The following RBFOX1 variants were observed in gnomAD, a reference collection of about 807,000 sequenced individuals.
RBFOX1 encodes RNA binding protein fox-1 homolog 1.
A neutral mutation model predicts 57.7 loss-of-function variants in RBFOX1; 8 were observed. That is an observed-to-expected ratio of 0.14 (90% CI 0.08 to 0.25). The LOEUF (loss-of-function observed/expected upper bound fraction) is 0.25, where lower values mean the gene tolerates loss of function less well. RBFOX1 is among the 10% of genes least tolerant of loss of function. RBFOX1 has a pLI of 1.00. For missense variants in RBFOX1, 611 were observed against 548.5 expected, an observed-to-expected ratio of 1.11 and a Z score of -1.14; for synonymous variants, 326 against 222.4, an observed-to-expected ratio of 1.47 and a Z score of -4.15.
intron 1 of RBFOX1, among the ~76,000 whole-genome samples, chr16:5,423,488 T>A (rs945552384): frequency 6.6e-6 from 1 of 152,160 alleles, no homozygotes; most frequent in Non-Finnish European, 1.5e-5. Flanking sequence ...CAGGGAGCAT[T>A]TTGAGCTTCC....
At position 7,125,298 on chromosome 16, in the gene RBFOX1, G is replaced by T. The variant is rs77247505; in HGVS notation, c.27+73200G>T. On this transcript the variant is annotated intron_variant, in intron 4 of 15. Coordinates refer to ENST00000550418, the MANE Select transcript of RBFOX1 (RefSeq NM_018723.4). Reference sequence around the variant, plus strand: ...CTGCAGCATCCTCATTTGTGCAGTGGGCATAGAAATCCACATAGTGGCAAG... The same window carrying T: ...CTGCAGCATCCTCATTTGTGCAGTGTGCATAGAAATCCACATAGTGGCAAG... Among the ~76,000 whole-genome samples the T allele has an allele frequency of 2.0e-5, 3 of 152,110 alleles. No individual in the cohort carries two copies. The East Asian group carries it at 5.8e-4, about 29-fold the overall frequency.
At chr16:7,055,994 A>G (rs981500136) in intron 4 of RBFOX1, among the ~76,000 whole-genome samples, 8 of 152,118 alleles carry the variant, frequency 5.3e-5, no homozygotes, top group East Asian at 3.9e-4. Flanking sequence ...ATCCTAACCT[A>G]TATCCTAACT....
chr16:6,252,742 G>C (rs1432680355), intron 1 of RBFOX1, among the ~76,000 whole-genome samples: 1 of 152,208 alleles, frequency 6.6e-6, no homozygotes, highest in Non-Finnish European at 1.5e-5. Context: ...TACATAATTA[G>C]CATGGAGCAG....
intron 4 of RBFOX1, among the ~76,000 whole-genome samples, chr16:7,204,757 C>G (rs556483620): frequency 1.1e-3 from 172 of 152,274 alleles, no homozygotes; most frequent in African/African-American, 3.9e-3. Context: ...TTTTCTCCCC[C>G]TCTCCCCAAT....
In RBFOX1 at chr16:6,111,759, T is replaced by C. The variant is rs76174682; in HGVS notation, c.-127+91767T>C. Among the ~76,000 whole-genome samples, 916 of 152,262 alleles carry C rather than the reference T, an allele frequency of 6.0e-3. 2 individuals carry two copies. The highest frequency in any genetic ancestry group is 0.02 in the Middle Eastern group (6 of 294). The stretch of plus-strand genomic sequence containing the variant: ...ACCAAGGAAGACTTTTGAAAATTGT[T>C]TGGGTATAGGTAGTGGGGTCAGAAA... On this transcript the variant is annotated intron_variant, in intron 1 of 15. Coordinates refer to ENST00000550418, the MANE Select transcript of RBFOX1 (RefSeq NM_018723.4).
In RBFOX1 at chr16:5,434,317, CT is replaced by C. The variant is rs5815245; in HGVS notation, c.220-32877del. On this transcript the variant is annotated intron_variant, in intron 1 of 2. Coordinates refer to the RBFOX1 transcript ENST00000585867. Reference sequence around the variant, plus strand: ...AGAGGGAGCCATCTCTGCTGAAGTCCTTTTTTTTTTTTTTTTTTTTTTGAGG... The same window carrying C: ...AGAGGGAGCCATCTCTGCTGAAGTCCTTTTTTTTTTTTTTTTTTTTTGAGG... Among the ~76,000 whole-genome samples, 641 of 79,712 alleles carry C rather than the reference CT, an allele frequency of 8.0e-3. 4 individuals carry two copies. Among genetic ancestry groups the C allele is most frequent in the East Asian group, 0.018 (38 of 2,130 alleles). 52.3% of individuals were successfully genotyped at this position (79,712 alleles called of 152,430 possible). A position where few individuals can be genotyped will look rare whatever the true frequency, so the allele number is the denominator to read the frequency against.
intron 5 of RBFOX1, among the ~76,000 whole-genome samples, chr16:7,532,733 C>T (rs2080431583): frequency 1.3e-5 from 2 of 152,232 alleles, no homozygotes; most frequent in African/African-American, 4.8e-5. Flanking sequence ...TTTATTGGAA[C>T]ACAGTCACAC....
At chr16:7,020,680 C>T (rs73536847) in intron 3 of RBFOX1, among the ~76,000 whole-genome samples, 6,319 of 152,232 alleles carry the variant, frequency 0.042, 468 homozygotes, top group African/African-American at 0.14. Flanking sequence ...TGGACACTGT[C>T]TGTGTCATCA....
chr16:7,159,681 G>A (rs2077879881), intron 4 of RBFOX1, among the ~76,000 whole-genome samples: 1 of 152,168 alleles, frequency 6.6e-6, no homozygotes, highest in Admixed American at 6.5e-5. Flanking sequence ...AGGCAGTTTT[G>A]TTTGGATCTG....
intron 4 of RBFOX1, among the ~76,000 whole-genome samples, chr16:7,434,483 T>A (rs1006137457): frequency 1.3e-5 from 2 of 150,824 alleles, no homozygotes; most frequent in Middle Eastern, 3.2e-3. Flanking sequence ...TTAAAATAAA[T>A]AAATAAATAA....
chr16:5,487,824 T>A (rs996749253), intron 2 of RBFOX1, among the ~76,000 whole-genome samples: 48 of 152,096 alleles, frequency 3.2e-4, no homozygotes, highest in African/African-American at 1.1e-3. Context: ...GTGGGAGTGA[T>A]GATGATGAAG....
chr16:5,351,073 A>G (rs1364464312), intron 1 of RBFOX1, among the ~76,000 whole-genome samples: 1 of 152,144 alleles, frequency 6.6e-6, no homozygotes, highest in African/African-American at 2.4e-5. Context: ...GCGCTGGTGG[A>G]AGCAGGTTGA....
At chr16:6,182,931 A>C (rs2097075631) in intron 1 of RBFOX1, among the ~76,000 whole-genome samples, 1 of 152,184 alleles carries the variant, frequency 6.6e-6, no homozygotes, top group Non-Finnish European at 1.5e-5. Flanking sequence ...TTTCATTAAA[A>C]TGTGTTTATA....
chr16:7,544,069 T>G (rs771225649), intron 5 of RBFOX1, among the ~76,000 whole-genome samples: 11 of 152,246 alleles, frequency 7.2e-5, no homozygotes, highest in Non-Finnish European at 1.6e-4. Flanking sequence ...CCAATGACTT[T>G]ATAAAGTGAG....
At chr16:7,433,665 G>C (rs865899306) in intron 4 of RBFOX1, among the ~76,000 whole-genome samples, 37 of 152,180 alleles carry the variant, frequency 2.4e-4, no homozygotes, top group African/African-American at 8.4e-4. Flanking sequence ...TACAGTATCA[G>C]AGATAGAAAA....
intron 3 of RBFOX1, among the ~76,000 whole-genome samples, chr16:6,976,000 G>C (rs1157161960): frequency 1.3e-5 from 2 of 151,968 alleles, no homozygotes; most frequent in African/African-American, 4.8e-5. Flanking sequence ...GGTGGTGGGC[G>C]CCTGTAATCT....
Position 6,620,983 on chromosome 16 carries a change from A to G in RBFOX1, c.-63-33620A>G, listed in dbSNP as rs1486170664. Among the ~76,000 whole-genome samples, 5 of 152,234 alleles carry G rather than the reference A, an allele frequency of 3.3e-5. 1 individual carries two copies. The highest frequency in any genetic ancestry group is 4.1e-4 in the South Asian group (2 of 4,830). On this transcript the variant is annotated intron_variant, in intron 2 of 15. Coordinates refer to ENST00000550418, the MANE Select transcript of RBFOX1 (RefSeq NM_018723.4). Reference sequence around the variant, plus strand: ...GGCAGAAGTCTGAAATCAGGATGTCAGCAGGGTTGATTCCTACTAGAGGCT... The same window carrying G: ...GGCAGAAGTCTGAAATCAGGATGTCGGCAGGGTTGATTCCTACTAGAGGCT...
rs549430797 is a variant in RBFOX1, at chr16:7,626,376, CT to C, written c.677-4226del. On this transcript the variant is annotated intron_variant, in intron 10 of 15. Coordinates refer to ENST00000550418, the MANE Select transcript of RBFOX1 (RefSeq NM_018723.4). ...CGATGCCCCATCTGAGACCTTGGCA[CT>C]GGCTTACTCCCTTCCTCACTGGAGG... is the stretch of plus-strand genomic sequence containing the variant. 1.1e-3 allele frequency among the ~76,000 whole-genome samples: 161 copies of C among 152,346 alleles called. 1 individual carries two copies. The highest frequency in any genetic ancestry group is 3.7e-3 in the African/African-American group (152 of 41,576).
rs145551038 is a variant in RBFOX1 at position 6,494,623 on chromosome 16, A to G, written c.-63-159980A>G. 4.9e-3 allele frequency among the ~76,000 whole-genome samples: 745 copies of G among 152,328 alleles called. 24 individuals are homozygous for G. The East Asian group carries it at 0.097, about 20-fold the overall frequency. Reference sequence around the variant, plus strand: ...TGGGTTGGCTTTGACCATCACACATAAAGCTGTCTTGAACATTTGTGGACA... The same window carrying G: ...TGGGTTGGCTTTGACCATCACACATGAAGCTGTCTTGAACATTTGTGGACA... On this transcript the variant is annotated intron_variant, in intron 2 of 15. Transcript: ENST00000550418.
Sources: gnomAD v4.1 joint callset for allele counts (sites outside exome capture counted in the v4.1 genomes callset) on GRCh38, gnomAD v4.1.1 for gene constraint, MANE v1.5 for transcripts, NCBI Gene and HGNC (gene_info 2026-07-23, HGNC 2026-07-21) for gene names.